KCNK16: variants seen among roughly 807,000 people sequenced by gnomAD.
KCNK16 encodes the protein potassium two pore domain channel subfamily K member 16, also known as potassium channel subfamily K member 16.
A neutral mutation model predicts 23.0 loss-of-function variants in KCNK16; 23 were observed. The observed-to-expected ratio is 1.00, with a 90% confidence interval of 0.72 to 1.41. The LOEUF (loss-of-function observed/expected upper bound fraction) is 1.41. Ranked by LOEUF, KCNK16 falls within the 40% of genes most tolerant of loss-of-function variation. KCNK16 has a pLI of 0.00. For missense variants in KCNK16, 327 were observed against 365.8 expected (o/e 0.89, Z 0.87); for synonymous variants, 145 against 153.5 (o/e 0.94, Z 0.41).
In KCNK16 at chr6:39,319,789, TGTG is replaced by T. The variant is rs1762451119; in HGVS notation, c.214-659_214-657del. ...TGTGTGTGTGTGGTGGTTGTTTATATGTGATGTGTTGTATGCACGTGTTGTGCA... is the reference window on the plus strand; with the variant it reads ...TGTGTGTGTGTGGTGGTTGTTTATATATGTGTTGTATGCACGTGTTGTGCA... On this transcript the variant is annotated intron_variant, in intron 1 of 4. Coordinates refer to ENST00000437525, the MANE Select transcript of KCNK16 (RefSeq NM_001135106.2). This position sits in a 1 kb window ranked among gnomAD's most constrained non-coding sequence, Gnocchi z 4.2. Among the ~76,000 whole-genome samples, 1 of 152,086 alleles carries T rather than the reference TGTG, an allele frequency of 6.6e-6. No individual in the cohort carries two copies. Among genetic ancestry groups the T allele is most frequent in the South Asian group, 2.1e-4 (1 of 4,828 alleles).
intron 2 of KCNK16, among the ~76,000 whole-genome samples, chr6:39,318,761 A>G (rs58484218): frequency 0.023 from 3,536 of 152,210 alleles, 148 homozygotes; most frequent in African/African-American, 0.08. Context: ...CCCTCGCTGG[A>G]CCGTTCTGAG....
Position 39,322,457 on chromosome 6 carries a change from A to T in KCNK16, c.84T>A (p.Gly28=). 1 of 1,614,086 alleles carries T rather than the reference A, an allele frequency of 6.2e-7. No individual in the cohort carries two copies. ...LLAYVCYLLL[G]ATIFQLLERQ... ...TCTCTAGCAGCTGGAAGATAGTGGC[A>T]CCGAGCAGCAGGTAGCAGACATAGG... The change falls in exon 1 of 5, where the codon GGT becomes GGA. Residue 28 remains glycine (G), a synonymous_variant. Coordinates refer to ENST00000437525, the MANE Select transcript of KCNK16 (RefSeq NM_001135106.2).
intron 1 of KCNK16, among the ~76,000 whole-genome samples, chr6:39,321,656 G>T (rs1258577587): frequency 6.6e-6 from 1 of 152,198 alleles, no homozygotes; most frequent in Non-Finnish European, 1.5e-5. Flanking sequence ...ACAACACCTG[G>T]TTTTGTCTTG....
intron 1 of KCNK16, among the ~76,000 whole-genome samples, chr6:39,320,270 C>T (rs1762467302): frequency 6.6e-6 from 1 of 152,214 alleles, no homozygotes; most frequent in African/African-American, 2.4e-5. Flanking sequence ...TTTGGCCTCC[C>T]TTTCTTTCCC....
downstream of KCNK16, chr6:39,315,207 C>T (rs761018134): frequency 5.0e-6 from 8 of 1,613,968 alleles, no homozygotes; most frequent in African/African-American, 1.1e-4. Flanking sequence ...AATTTCCAGG[C>T]CCCGGGATGG....
intron 1 of KCNK16, among the ~76,000 whole-genome samples, chr6:39,320,843 A>T (rs1191960523): frequency 8.4e-6 from 1 of 118,628 alleles, no homozygotes; most frequent in East Asian, 2.3e-4. Flanking sequence ...TGCAGAGCTG[A>T]GGGAGGAGAT....
chr6:39,320,307 C>A (rs1042963289), intron 1 of KCNK16, among the ~76,000 whole-genome samples: 3 of 152,220 alleles, frequency 2.0e-5, no homozygotes, highest in Non-Finnish European at 1.5e-5. Context: ...CAGGGCCCAA[C>A]ATTCCCGAAC....
At chr6:39,316,538 C>T (rs562257178) in intron 4 of KCNK16, 96 bp from the exon 5 acceptor site, 2 of 1,425,962 alleles carry the variant, frequency 1.4e-6, no homozygotes, top group African/African-American at 1.4e-5. Context: ...TGCTCTCTCC[C>T]TCTTCCTCAT....
intron 1 of KCNK16, among the ~76,000 whole-genome samples, chr6:39,320,115 T>TG (rs1762462705): frequency 6.6e-6 from 1 of 152,184 alleles, no homozygotes; most frequent in Non-Finnish European, 1.5e-5. Flanking sequence ...CCAATTCCTA[T>TG]GGGAACCAGT....
rs1762452906 is a variant in KCNK16, at chr6:39,319,844, C to T, written c.214-711G>A. On this transcript the variant is annotated intron_variant, in intron 1 of 4. Transcript: ENST00000437525. The surrounding 1 kb of genome is among the most constrained non-coding windows in gnomAD (Gnocchi z 4.2). ...GGCAACTGTATGTTGCACATGTGTG[C>T]ATGTTTGTATGTGTGTTGCATGTGT... 7.5e-6 allele frequency among the ~76,000 whole-genome samples: 1 copy of T among 133,274 alleles called. No individual in the cohort carries two copies. The highest frequency in any genetic ancestry group is 2.2e-4 in the South Asian group (1 of 4,498). 87.4% of individuals were successfully genotyped at this position (133,274 alleles called of 152,430 possible).
At chr6:39,322,237 C>T (rs959437585) in intron 1 of KCNK16, 91 bp downstream of exon 1, 8 of 1,521,816 alleles carry the variant, frequency 5.3e-6, no homozygotes, top group African/African-American at 4.1e-5. Flanking sequence ...GGCATCAGCT[C>T]CTGGGTGAGG....
In KCNK16 at chr6:39,317,692, T is replaced by C. The variant is rs538064833; in HGVS notation, c.495+94A>G. 9 of 1,366,426 alleles carry C rather than the reference T, an allele frequency of 6.6e-6. No individual in the cohort carries two copies. In the African/African-American group the frequency reaches 1.3e-4, roughly 20 times the overall value. 84.6% of individuals were successfully genotyped at this position (1,366,426 alleles called of 1,614,324 possible). A position where few individuals can be genotyped will look rare whatever the true frequency, so the allele number is the denominator to read the frequency against. ...TCACAGGCATCTACCCCTAACACCATGCATGCCAAACTCCATCTCAGCATC... is the reference window on the plus strand; with the variant it reads ...TCACAGGCATCTACCCCTAACACCACGCATGCCAAACTCCATCTCAGCATC... On this transcript the variant is annotated intron_variant, in intron 3 of 4. Coordinates refer to ENST00000437525, the MANE Select transcript of KCNK16 (RefSeq NM_001135106.2).
downstream of KCNK16, chr6:39,315,520 T>C (rs1762278101): frequency 1.6e-6 from 2 of 1,249,718 alleles, no homozygotes; most frequent in Non-Finnish European, 2.2e-6. Flanking sequence ...CCTGGACTTC[T>C]AGGCAAGGGG....
downstream of KCNK16, chr6:39,314,638 G>C (rs1762241705): frequency 2.4e-6 from 1 of 422,806 alleles, no homozygotes; most frequent in South Asian, 6.5e-5. Flanking sequence ...GGGGCCCAGA[G>C]CCCCCTCACA....
Position 39,319,807 on chromosome 6 carries a change from C to T in KCNK16, c.214-674G>A, listed in dbSNP as rs910917995. On this transcript the variant is annotated intron_variant, in intron 1 of 4. Coordinates refer to ENST00000437525, the MANE Select transcript of KCNK16 (RefSeq NM_001135106.2). This position sits in a 1 kb window ranked among gnomAD's most constrained non-coding sequence, Gnocchi z 4.2. ...GTTTATATGTGATGTGTTGTATGCA[C>T]GTGTTGTGCATGGCAACTGTATGTT... is the stretch of plus-strand genomic sequence containing the variant. 4.0e-5 allele frequency among the ~76,000 whole-genome samples: 6 copies of T among 151,524 alleles called. No individual in the cohort carries two copies. The highest frequency in any genetic ancestry group is 6.6e-5 in the Admixed American group (1 of 15,192).
chr6:39,316,435 G>T lies in KCNK16; in HGVS notation c.669C>A (p.Asp223Glu). The T allele has an allele frequency of 1.9e-6, 3 of 1,599,814 alleles. No individual in the cohort carries two copies. Among genetic ancestry groups the T allele is most frequent in the Non-Finnish European group, 2.6e-6 (3 of 1,170,168 alleles). The change falls in exon 5 of 5, where the codon GAC becomes GAA. Residue 223 changes from aspartate (D) to glutamate (E), a missense_variant. By Grantham distance (45) the Asp-to-Glu change is conservative. Coordinates refer to ENST00000437525, the MANE Select transcript of KCNK16 (RefSeq NM_001135106.2). ...ACACTGAGATATAATGCTTGCTGGG[G>T]TCTGTGCCTGCCAGGGAAGGGAATG... ...IGFGDYVVGT[D>E]PSKHYISVYR...
intron 1 of KCNK16, among the ~76,000 whole-genome samples, chr6:39,321,155 G>C (rs1321713127): frequency 6.6e-6 from 1 of 152,188 alleles, no homozygotes; most frequent in Non-Finnish European, 1.5e-5. Flanking sequence ...TAGAGTTCCT[G>C]AGTCGGCAGG....
In KCNK16 at chr6:39,316,297, C is replaced by A; in HGVS notation, c.807G>T (p.Arg269Ser). The A allele has an allele frequency of 6.2e-7, 1 of 1,604,396 alleles. No homozygotes were observed. The highest frequency in any genetic ancestry group is 2.2e-5 in the East Asian group (1 of 44,550). ...HRCCQLWLLS[R>S]GLGVKDGAAS... ...CTGCCCCATCCTTGACGCCGAGGCCCCTACTGAGCAGCCAGAGCTGGCAGC... is the reference window on the plus strand; with the variant it reads ...CTGCCCCATCCTTGACGCCGAGGCCACTACTGAGCAGCCAGAGCTGGCAGC... The change falls in exon 5 of 5, where the codon AGG (arginine) becomes AGT (serine). Residue 269 changes from arginine to serine, a missense_variant. Arg to Ser is a moderately radical substitution (Grantham distance 110). Coordinates refer to ENST00000437525, the MANE Select transcript of KCNK16 (RefSeq NM_001135106.2).
chr6:39,319,808 G>A lies in KCNK16; in HGVS notation c.214-675C>T, dbSNP rs1762451579. 6.6e-6 allele frequency among the ~76,000 whole-genome samples: 1 copy of A among 152,078 alleles called. No homozygotes were observed. The highest frequency in any genetic ancestry group is 1.5e-5 in the Non-Finnish European group (1 of 67,956). On this transcript the variant is annotated intron_variant, in intron 1 of 4. Transcript: ENST00000437525. This position sits in a 1 kb window ranked among gnomAD's most constrained non-coding sequence, Gnocchi z 4.2. ...TTTATATGTGATGTGTTGTATGCAC[G>A]TGTTGTGCATGGCAACTGTATGTTG...
Sources: allele counts gnomAD v4.1 joint callset (sites outside exome capture counted in the v4.1 genomes callset), GRCh38; gene constraint gnomAD v4.1.1; non-coding constraint Gnocchi (gnomAD v3.1); transcripts MANE v1.5; gene names NCBI Gene and HGNC (gene_info 2026-07-23, HGNC 2026-07-21).